Variants in IPPK observed in about 807,000 individuals in gnomAD.
The protein encoded by IPPK is inositol-pentakisphosphate 2-kinase.
In IPPK, 22 loss-of-function variants were observed where a neutral mutation model predicts 64.6. The ratio of observed to expected loss-of-function variants is 0.34; its 90% confidence interval spans 0.24 to 0.49. IPPK has a LOEUF of 0.49. Ranked by LOEUF, IPPK falls within the 20% of genes least tolerant of loss-of-function variation. The pLI, the probability that IPPK is intolerant of heterozygous loss-of-function variation, is 0.99. For synonymous variants in IPPK, 262 were observed against 247.2 expected, an observed-to-expected ratio of 1.06 and a Z score of -0.56; for missense variants, 532 against 630.7, an observed-to-expected ratio of 0.84 and a Z score of 1.68.
At position 92,631,715 on chromosome 9, in the gene IPPK, G is replaced by A. The variant is rs539262887; in HGVS notation, c.1170+2671C>T. Among the ~76,000 whole-genome samples the A allele has an allele frequency of 9.8e-5, 15 of 152,364 alleles. No individual in the cohort carries two copies. The East Asian group carries it at 1.3e-3, about 14-fold the overall frequency. ...CAAAGCTACAATATCACAGCAAGGT[G>A]AGTGATGCTGACACAATCCACAATC... On this transcript the variant is annotated intron_variant, in intron 11 of 12. Coordinates refer to ENST00000287996, the MANE Select transcript of IPPK (RefSeq NM_022755.6).
intron 8 of IPPK, among the ~76,000 whole-genome samples, chr9:92,639,528 C>T (rs1316066991): frequency 1.3e-5 from 2 of 152,118 alleles, no homozygotes; most frequent in Admixed American, 6.5e-5. Context: ...TCAACTCTTT[C>T]GAAACAATCC....
Position 92,622,509 on chromosome 9 carries a change from A to T in IPPK, c.1171-2944T>A, listed in dbSNP as rs141334003. ...CATAATCAAACACTTTTAAAGTAAG[A>T]TCTTTTTAAAGATGCCATTTACATC... On this transcript the variant is annotated intron_variant, in intron 11 of 12. Transcript: ENST00000287996. Among the ~76,000 whole-genome samples, 216 of 152,290 alleles carry T rather than the reference A, an allele frequency of 1.4e-3. 1 individual carries two copies. Among genetic ancestry groups the T allele is most frequent in the African/African-American group, 5.0e-3 (206 of 41,590 alleles).
At chr9:92,646,273 G>C (rs1455233460) in intron 6 of IPPK, among the ~76,000 whole-genome samples, 1 of 152,184 alleles carries the variant, frequency 6.6e-6, no homozygotes, top group Admixed American at 6.5e-5. Context: ...GAACCAACTA[G>C]ACCGAACACA....
intron 11 of IPPK, among the ~76,000 whole-genome samples, chr9:92,629,940 G>A (rs1851805975): frequency 6.6e-6 from 1 of 152,174 alleles, no homozygotes; most frequent in East Asian, 1.9e-4. Context: ...CACTGCTGGT[G>A]GGAAGATCGA....
rs370793607 is a variant in IPPK at position 92,670,034 on chromosome 9, C to G, written c.-46G>C. On this transcript the variant is annotated 5_prime_UTR_variant, in exon 1 of 13. Transcript: ENST00000287996. ...CCTCGCGGGCTAGGACTCGGGGACG[C>G]GAGCTGGGGGCCGCCCGCCTCGCTG... is the stretch of plus-strand genomic sequence containing the variant. 5.4e-4 allele frequency: 773 copies of G among 1,440,034 alleles called. 2 individuals carry two copies. Among genetic ancestry groups the G allele is most frequent in the Middle Eastern group, 1.1e-3 (6 of 5,620 alleles). 89.2% of individuals were successfully genotyped at this position (1,440,034 alleles called of 1,614,324 possible).
At chr9:92,654,603 C>T (rs1045630954) in intron 3 of IPPK, among the ~76,000 whole-genome samples, 4 of 152,228 alleles carry the variant, frequency 2.6e-5, no homozygotes, top group African/African-American at 7.2e-5. Flanking sequence ...CATCCAATCA[C>T]GTGAGGACGC....
intron 4 of IPPK, among the ~76,000 whole-genome samples, chr9:92,651,954 C>T (rs1478438837): frequency 6.6e-6 from 1 of 152,076 alleles, no homozygotes; most frequent in Non-Finnish European, 1.5e-5. Context: ...GTTGGTCACG[C>T]TGGTCTCGAA....
chr9:92,655,347 C>T (rs1247928389), intron 3 of IPPK, among the ~76,000 whole-genome samples: 1 of 152,218 alleles, frequency 6.6e-6, no homozygotes, highest in East Asian at 1.9e-4. Flanking sequence ...CGGCGTCCTA[C>T]TGGGACACGC....
chr9:92,648,225 C>A, intron 5 of IPPK, 77 bp from the exon 6 acceptor site: 1 of 1,079,582 alleles, frequency 9.3e-7, no homozygotes, highest in Admixed American at 2.1e-5. Flanking sequence ...TCACTGACTA[C>A]AAGATAATGA....
At chr9:92,634,263 C>A (rs1435704359) in intron 11 of IPPK, 123 bp downstream of exon 11, 4 of 654,538 alleles carry the variant, frequency 6.1e-6, no homozygotes, top group African/African-American at 1.8e-5. Context: ...TCTTTTTGAT[C>A]CCAAGTTTTC....
chr9:92,661,790 T>C (rs938115926), intron 1 of IPPK, among the ~76,000 whole-genome samples: 2 of 152,214 alleles, frequency 1.3e-5, no homozygotes, highest in Non-Finnish European at 2.9e-5. Context: ...TCAGACACAC[T>C]CAGCTCACCT....
intron 11 of IPPK, among the ~76,000 whole-genome samples, chr9:92,628,125 A>G (rs994614568): frequency 6.6e-6 from 1 of 152,258 alleles, no homozygotes; most frequent in African/African-American, 2.4e-5. Flanking sequence ...TATTTTAGAA[A>G]TAAGTTTAAC....
At chr9:92,668,216 C>A (rs923634537) in intron 1 of IPPK, among the ~76,000 whole-genome samples, 16 of 152,210 alleles carry the variant, frequency 1.1e-4, no homozygotes, top group African/African-American at 3.9e-4. Flanking sequence ...TGCAGTGAGC[C>A]GAGATCGCGC....
intron 12 of IPPK, chr9:92,616,264 G>C (rs1851430427): frequency 1.3e-5 from 7 of 522,424 alleles, no homozygotes; most frequent in Middle Eastern, 4.2e-4. Context: ...GTGCACCTGT[G>C]ATCTGTGCGT....
chr9:92,628,758 T>A lies in IPPK; in HGVS notation c.1170+5628A>T, dbSNP rs563370424. On this transcript the variant is annotated intron_variant, in intron 11 of 12. Transcript: ENST00000287996. ...CGGGCATGGTGGCACATGCCTGTAGTCCCAGCTACTTAGGAGGCTGAGGGA... is the reference window on the plus strand; with the variant it reads ...CGGGCATGGTGGCACATGCCTGTAGACCCAGCTACTTAGGAGGCTGAGGGA... Among the ~76,000 whole-genome samples, 13 of 152,180 alleles carry A rather than the reference T, an allele frequency of 8.5e-5. 1 individual carries two copies. The highest frequency in any genetic ancestry group is 6.5e-4 in the Admixed American group (10 of 15,286).
chr9:92,615,654 T>C lies in IPPK; in HGVS notation c.*178A>G. The C allele has an allele frequency of 1.7e-6, 1 of 581,800 alleles. No individual in the cohort carries two copies. Among genetic ancestry groups the C allele is most frequent in the South Asian group, 2.0e-5 (1 of 49,880 alleles). The allele number at this position is 581,800 out of a possible 1,614,324, so 36.0% of individuals were successfully genotyped here. A position where few individuals can be genotyped will look rare whatever the true frequency, so the allele number is the denominator to read the frequency against. On this transcript the variant is annotated 3_prime_UTR_variant, in exon 13 of 13. Transcript: ENST00000287996. ...CACAGCACTCACTTCCTACATTCCT[T>C]GTCCAGGAAGTTGTTTCTAGTGCTC...
chr9:92,656,629 C>A lies in IPPK; in HGVS notation c.130-78G>T. 3.4e-6 allele frequency: 3 copies of A among 888,766 alleles called. No homozygotes were observed. In the Admixed American group the frequency reaches 5.3e-5, roughly 16 times the overall value. 55.1% of individuals were successfully genotyped at this position (888,766 alleles called of 1,614,324 possible). Reference sequence around the variant, plus strand: ...CTTGCTTGAGGGGAGAGGCAAAAACCACCACGGACCCCACCACAAGCAAGG... The same window carrying A: ...CTTGCTTGAGGGGAGAGGCAAAAACAACCACGGACCCCACCACAAGCAAGG... On this transcript the variant is annotated intron_variant, in intron 2 of 12. Transcript: ENST00000287996.
chr9:92,664,565 C>T (rs1320911133), intron 1 of IPPK, among the ~76,000 whole-genome samples: 1 of 152,194 alleles, frequency 6.6e-6, no homozygotes, highest in Non-Finnish European at 1.5e-5. Flanking sequence ...ACTCTCAGAA[C>T]ATGGGGAGGC....
At chr9:92,622,799 TAGATATGCAAAAGGTCGAGAACAGCCA>T (rs1851666849) in intron 11 of IPPK, among the ~76,000 whole-genome samples, 1 of 152,128 alleles carries the variant, frequency 6.6e-6, no homozygotes, top group African/African-American at 2.4e-5. Flanking sequence ...CAAATTCATG[TAGATATGCAAAAGGTCGAGAACAGCCA>T]AGATATGCTT....
Sources: allele counts gnomAD v4.1 joint callset (sites outside exome capture counted in the v4.1 genomes callset), GRCh38; gene constraint gnomAD v4.1.1; transcripts MANE v1.5; gene names NCBI Gene and HGNC (gene_info 2026-07-23, HGNC 2026-07-21).